The following CDADC1 variants were observed in gnomAD, a reference collection of about 807,000 sequenced individuals.
CDADC1 encodes cytidine and dCMP deaminase domain containing 1.
In CDADC1, 39 loss-of-function variants were observed where a neutral mutation model predicts 54.9. That is an observed-to-expected ratio of 0.71 (90% confidence interval 0.55 to 0.93). The LOEUF (loss-of-function observed/expected upper bound fraction) is 0.93. Ranked by LOEUF, CDADC1 falls within the 40% of genes least tolerant of loss-of-function variation. The pLI, the probability that CDADC1 is intolerant of heterozygous loss-of-function variation, is 0.00. For synonymous variants in CDADC1, 186 were observed against 204.0 expected (o/e 0.91, Z 0.75); for missense variants, 518 against 618.8 (o/e 0.84, Z 1.73).
At position 49,275,716 on chromosome 13, in the gene CDADC1, TATATATATATAGAGAGAGAGAGAGAGAG is replaced by T. The variant is rs1566369918; in HGVS notation, c.1050+1378_1050+1405del. The stretch of plus-strand genomic sequence containing the variant: ...ATATATATATATATATATATATATA[TATATATATATAGAGAGAGAGAGAGAGAG>T]AGAGAGAGAGAGAGAGAGAGAGAGA... On this transcript the variant is annotated intron_variant, in intron 6 of 9. Transcript: ENST00000251108. 2.8e-3 allele frequency among the ~76,000 whole-genome samples: 164 copies of T among 57,852 alleles called. 1 individual carries two copies. The highest frequency in any genetic ancestry group is 5.1e-3 in the South Asian group (7 of 1,382). The allele number at this position is 57,852 out of a possible 152,430, so 38.0% of individuals were successfully genotyped here.
At chr13:49,275,748 G>T (rs1593834264) in intron 6 of CDADC1, among the ~76,000 whole-genome samples, 20 of 29,182 alleles carry the variant, frequency 6.9e-4, no homozygotes, top group African/African-American at 1.5e-3. Flanking sequence ...GAGAGAGAGA[G>T]AGAGAGAGAG....
Position 49,292,273 on chromosome 13 carries a change from T to C in CDADC1, c.*516T>C, listed in dbSNP as rs1953731155. ...TAATCAGAATTTACTTAATTAGAAT[T>C]GACTCATAAAAATAAAGTTAGTGGA... On this transcript the variant is annotated 3_prime_UTR_variant, in exon 10 of 10. Transcript: ENST00000251108. The C allele has an allele frequency of 1.0e-6, 1 of 977,900 alleles. No homozygotes were observed. The highest frequency in any genetic ancestry group is 4.7e-5 in the South Asian group (1 of 21,376). 60.6% of individuals were successfully genotyped at this position (977,900 alleles called of 1,614,324 possible).
intron 5 of CDADC1, among the ~76,000 whole-genome samples, chr13:49,269,074 G>A (rs1290031921): frequency 1.3e-5 from 2 of 152,234 alleles, no homozygotes; most frequent in African/African-American, 4.8e-5. Flanking sequence ...ATAGACAGGA[G>A]GAGCAGTAGA....
chr13:49,257,655 C>A (rs71434464), intron 3 of CDADC1, among the ~76,000 whole-genome samples: 3,788 of 152,156 alleles, frequency 0.025, 79 homozygotes, highest in Admixed American at 0.051. Flanking sequence ...TCAGCTACTC[C>A]ACGGGCTGAG....
chr13:49,287,972 TAAA>T (rs779068056), intron 9 of CDADC1, among the ~76,000 whole-genome samples: 16 of 127,084 alleles, frequency 1.3e-4, no homozygotes, highest in Non-Finnish European at 1.4e-4. Flanking sequence ...GACCCTGCCT[TAAA>T]AAAAAAAAAA....
Position 49,292,509 on chromosome 13 carries a change from C to T in CDADC1, c.*752C>T, listed in dbSNP as rs778773764. On this transcript the variant is annotated 3_prime_UTR_variant, in exon 10 of 10. Transcript: ENST00000251108. ...TTTGAGTCTGGAATATTGAAACTAG[C>T]TTTCCTAGAATTCCATTAATAAATG... 260 of 1,032,432 alleles carry T rather than the reference C, an allele frequency of 2.5e-4. No individual in the cohort carries two copies. The highest frequency in any genetic ancestry group is 2.8e-4 in the Non-Finnish European group (243 of 858,354). 64.0% of individuals were successfully genotyped at this position (1,032,432 alleles called of 1,614,324 possible).
At chr13:49,287,953 A>G (rs1017980096) in intron 9 of CDADC1, among the ~76,000 whole-genome samples, 5 of 151,520 alleles carry the variant, frequency 3.3e-5, no homozygotes, top group Non-Finnish European at 5.9e-5. Flanking sequence ...AACCTTGGCA[A>G]CAGAGTGAGA....
At chr13:49,259,708 A>C (rs1952628039) in intron 4 of CDADC1, among the ~76,000 whole-genome samples, 185 bp downstream of exon 4, 2 of 152,194 alleles carry the variant, frequency 1.3e-5, no homozygotes, top group African/African-American at 4.8e-5. Flanking sequence ...TTAGCTAGGC[A>C]TGGTGATGCA....
At chr13:49,283,126 C>T (rs1398181112) in intron 8 of CDADC1, among the ~76,000 whole-genome samples, 2 of 152,098 alleles carry the variant, frequency 1.3e-5, no homozygotes, top group Admixed American at 6.5e-5. Flanking sequence ...CTGCCATATA[C>T]ATCAGTTTGA....
Position 49,280,660 on chromosome 13 carries a change from A to C in CDADC1, c.1372A>C (p.Met458Leu). ...VGKKKADISYMRFGELEGVSK... is the reference protein window; with the variant it reads ...VGKKKADISYLRFGELEGVSK... ...AAAAAAGAAGGCAGACATCTCTTAC[A>C]TGAGGTTCGGGGAGCTTGAAGGTGT... The change falls in exon 8 of 10, where the codon ATG becomes CTG. Residue 458 changes from methionine (M) to leucine (L), a missense_variant. Coordinates refer to ENST00000251108, the MANE Select transcript of CDADC1 (RefSeq NM_030911.4). 6.3e-7 allele frequency: 1 copy of C among 1,598,656 alleles called. No homozygotes were observed. Among genetic ancestry groups the C allele is most frequent in the Non-Finnish European group, 8.5e-7 (1 of 1,174,366 alleles).
intron 7 of CDADC1, among the ~76,000 whole-genome samples, chr13:49,279,741 G>A (rs548887861): frequency 3.0e-4 from 45 of 152,314 alleles, no homozygotes; most frequent in African/African-American, 1.1e-3. Flanking sequence ...AAGGCTGGCG[G>A]TGGAGGAATT....
rs1232362752 is a variant in CDADC1 at position 49,285,369 on chromosome 13, G to A, written c.1411-853G>A. 2.0e-5 allele frequency among the ~76,000 whole-genome samples: 3 copies of A among 151,892 alleles called. 1 individual carries two copies. The highest frequency in any genetic ancestry group is 1.5e-5 in the Non-Finnish European group (1 of 67,944). ...AATTTTTTGTATTTTTAGTAGAGAC[G>A]GGGTTTCACCTTGTTAGCCAGGATG... is the stretch of plus-strand genomic sequence containing the variant. On this transcript the variant is annotated intron_variant, in intron 8 of 9. Coordinates refer to ENST00000251108, the MANE Select transcript of CDADC1 (RefSeq NM_030911.4).
At chr13:49,273,952 T>C (rs1953034053) in intron 5 of CDADC1, among the ~76,000 whole-genome samples, 2 of 152,214 alleles carry the variant, frequency 1.3e-5, no homozygotes, top group African/African-American at 4.8e-5. Context: ...AAGTAGTTGT[T>C]TAGAAACCGG....
At chr13:49,269,499 C>A (rs1180615461) in intron 5 of CDADC1, among the ~76,000 whole-genome samples, 1 of 152,200 alleles carries the variant, frequency 6.6e-6, no homozygotes, top group Non-Finnish European at 1.5e-5. Context: ...TCTGTAGGCA[C>A]ACATTATATG....
At chr13:49,261,442 A>G (rs1044749437) in intron 4 of CDADC1, among the ~76,000 whole-genome samples, 16 of 152,226 alleles carry the variant, frequency 1.1e-4, no homozygotes, top group Admixed American at 3.3e-4. Flanking sequence ...CATGCATTTC[A>G]TCACTCATGT....
chr13:49,285,353 T>C (rs901628063), intron 8 of CDADC1, among the ~76,000 whole-genome samples: 1 of 151,986 alleles, frequency 6.6e-6, no homozygotes, highest in Admixed American at 6.6e-5. Context: ...TAATTTTTTG[T>C]ATTTTTAGTA....
intron 2 of CDADC1, among the ~76,000 whole-genome samples, chr13:49,255,437 C>T (rs1952521089): frequency 6.6e-6 from 1 of 152,208 alleles, no homozygotes; most frequent in African/African-American, 2.4e-5. Context: ...CTGCCTACCA[C>T]AATCCCGATC....
At chr13:49,289,118 T>G (rs1346047355) in intron 9 of CDADC1, among the ~76,000 whole-genome samples, 4 of 134,330 alleles carry the variant, frequency 3.0e-5, no homozygotes, top group East Asian at 2.3e-4. Flanking sequence ...GCTTTTTTTT[T>G]GCTTTTTTTT....
At chr13:49,258,251 G>T (rs976019194) in intron 3 of CDADC1, among the ~76,000 whole-genome samples, 2 of 152,166 alleles carry the variant, frequency 1.3e-5, no homozygotes, top group African/African-American at 4.8e-5. Flanking sequence ...GCTGTATTGG[G>T]GGATAAGTAT....
Sources: gnomAD v4.1 joint callset for allele counts (sites outside exome capture counted in the v4.1 genomes callset) on GRCh38, gnomAD v4.1.1 for gene constraint, MANE v1.5 for transcripts, NCBI Gene and HGNC (gene_info 2026-07-23, HGNC 2026-07-21) for gene names.